DDB2: variants seen among roughly 807,000 people sequenced by gnomAD.
DDB2 encodes the protein DNA damage-binding protein 2.
In DDB2, 27 loss-of-function variants were observed where a neutral mutation model predicts 50.5. That is an observed-to-expected ratio of 0.53 (90% CI 0.39 to 0.74). The LOEUF (loss-of-function observed/expected upper bound fraction) is 0.74. Ranked by LOEUF, DDB2 falls within the 30% of genes least tolerant of loss-of-function variation. The pLI is 0.00. For missense variants in DDB2, 424 were observed against 545.6 expected (o/e 0.78, Z 2.22); for synonymous variants, 176 against 205.5 (o/e 0.86, Z 1.23).
intron 3 of DDB2, among the ~76,000 whole-genome samples, chr11:47,219,156 G>A (rs942184473): frequency 1.3e-5 from 2 of 152,148 alleles, no homozygotes; most frequent in African/African-American, 2.4e-5. Flanking sequence ...TGTTAGCCAC[G>A]ATGGTCTCTA....
At position 47,229,820 on chromosome 11, in the gene DDB2, T is replaced by TC. The variant is rs1457834720; in HGVS notation, c.457-2994_457-2993insC. On this transcript the variant is annotated intron_variant, in intron 3 of 9. Transcript: ENST00000256996. ...CTATGCTTAATTTGATGGCTCTTCT[T>TC]TTTTTTTTTTTTTTTCTTCTTCCTA... 2.0e-5 allele frequency: 7 copies of TC among 357,734 alleles called. No individual in the cohort carries two copies. In the East Asian group the frequency reaches 2.8e-4, roughly 14 times the overall value. The allele number at this position is 357,734 out of a possible 1,614,324, so 22.2% of individuals were successfully genotyped here.
intron 2 of DDB2, among the ~76,000 whole-genome samples, 171 bp from the exon 3 acceptor site, chr11:47,216,687 A>G (rs1953404840): frequency 6.6e-6 from 1 of 152,120 alleles, no homozygotes; most frequent in African/African-American, 2.4e-5. Flanking sequence ...TTTGCTTTCC[A>G]AGATTATTCG....
intron 1 of DDB2, chr11:47,215,535 A>G (rs1414808880): frequency 2.9e-5 from 14 of 477,088 alleles, no homozygotes; most frequent in Non-Finnish European, 5.0e-5. Flanking sequence ...CACAGTTAGG[A>G]CGGCTTCAGA....
intron 3 of DDB2, among the ~76,000 whole-genome samples, chr11:47,224,973 T>C (rs1953536173): frequency 6.6e-6 from 1 of 152,070 alleles, no homozygotes. Flanking sequence ...GGTCTCACTC[T>C]CTCTTCCAGG....
intron 1 of DDB2, chr11:47,216,036 G>GTTC (rs1001513565): frequency 4.8e-5 from 23 of 483,714 alleles, no homozygotes; most frequent in African/African-American, 2.9e-4. Flanking sequence ...ACTGGGAAGA[G>GTTC]TTCTGCATTG....
chr11:47,216,792 CAGAGATTG>C (rs1953406118), intron 2 of DDB2, 58 bp from the exon 3 acceptor site: 47 of 1,509,460 alleles, frequency 3.1e-5, no homozygotes, highest in Non-Finnish European at 4.1e-5. Flanking sequence ...ATGAAGGAGG[CAGAGATTG>C]GCAGTTTACC....
intron 3 of DDB2, among the ~76,000 whole-genome samples, chr11:47,230,845 G>C (rs1455271031): frequency 6.6e-6 from 1 of 152,170 alleles, no homozygotes; most frequent in East Asian, 1.9e-4. Flanking sequence ...GCCTGACTGG[G>C]CGCAGTGGCT....
intron 4 of DDB2, 22 bp downstream of exon 4, chr11:47,232,981 G>A: frequency 6.2e-7 from 1 of 1,613,854 alleles, no homozygotes; most frequent in Non-Finnish European, 8.5e-7. Flanking sequence ...AACTAGCAGG[G>A]GAAAGGGCTT....
chr11:47,221,090 G>A (rs1953478481), intron 3 of DDB2, among the ~76,000 whole-genome samples: 1 of 151,938 alleles, frequency 6.6e-6, no homozygotes, highest in African/African-American at 2.4e-5. Flanking sequence ...TTGAACCTGG[G>A]AGGTGGAGGT....
In DDB2 at chr11:47,215,055, C is replaced by A. The variant is rs1265492280; in HGVS notation, c.-82C>A. The A allele has an allele frequency of 3.1e-6, 5 of 1,606,458 alleles. No homozygotes were observed. The highest frequency in any genetic ancestry group is 1.1e-5 in the South Asian group (1 of 90,780). ...TGGCCCCGCAGTTTTGTAGTCCCCG[C>A]CTTGTTTCTCCCCAGAGGCCTCTCA... On this transcript the variant is annotated 5_prime_UTR_variant, in exon 1 of 10. Coordinates refer to ENST00000256996, the MANE Select transcript of DDB2 (RefSeq NM_000107.3).
At chr11:47,216,007 C>A (rs1198817633) in intron 1 of DDB2, 1 of 434,616 alleles carries the variant, frequency 2.3e-6, no homozygotes, top group Admixed American at 3.5e-5. Flanking sequence ...CCAGTCCCAT[C>A]TCGAGTTTTG....
intron 3 of DDB2, among the ~76,000 whole-genome samples, chr11:47,227,447 C>G (rs185827759): frequency 1.3e-5 from 2 of 151,776 alleles, no homozygotes; most frequent in Non-Finnish European, 2.9e-5. Context: ...TTGAAAATAT[C>G]TTCTCCCACT....
intron 3 of DDB2, among the ~76,000 whole-genome samples, chr11:47,228,717 G>A (rs1398280453): frequency 6.6e-6 from 1 of 150,856 alleles, no homozygotes; most frequent in Non-Finnish European, 1.5e-5. Flanking sequence ...TGACTGTTGG[G>A]AGGCCGAGGC....
chr11:47,222,189 G>A (rs1953495424), intron 3 of DDB2, among the ~76,000 whole-genome samples: 1 of 150,334 alleles, frequency 6.7e-6, no homozygotes. Flanking sequence ...ACTGTAAACT[G>A]CTGATCTATT....
rs2135484433 is a variant in DDB2, at chr11:47,216,059, G to C, written c.128-277G>C. On this transcript the variant is annotated intron_variant, in intron 1 of 9. Transcript: ENST00000256996. ...GAGTTCTGCATTGTACTTTATCCTTGTGTGTTTCTTTGGCTGGGGTCTCAG... is the reference window on the plus strand; with the variant it reads ...GAGTTCTGCATTGTACTTTATCCTTCTGTGTTTCTTTGGCTGGGGTCTCAG... 4 of 541,322 alleles carry C rather than the reference G, an allele frequency of 7.4e-6. No homozygotes were observed. In the East Asian group the frequency reaches 1.4e-4, roughly 19 times the overall value. The allele number at this position is 541,322 out of a possible 1,614,324, so 33.5% of individuals were successfully genotyped here. A position where few individuals can be genotyped will look rare whatever the true frequency, so the allele number is the denominator to read the frequency against.
chr11:47,221,912 A>G lies in DDB2; in HGVS notation c.456+4863A>G, dbSNP rs924927260. Among the ~76,000 whole-genome samples, 9 of 152,364 alleles carry G rather than the reference A, an allele frequency of 5.9e-5. 2 individuals carry two copies. Among genetic ancestry groups the G allele is most frequent in the Admixed American group, 6.5e-5 (1 of 15,298 alleles). On this transcript the variant is annotated intron_variant, in intron 3 of 9. Coordinates refer to ENST00000256996, the MANE Select transcript of DDB2 (RefSeq NM_000107.3). Reference sequence around the variant, plus strand: ...TTTAAAATTATATCTTTATTGAGGTATAGTGGACATAAACTGCAGCTATTT... The same window carrying G: ...TTTAAAATTATATCTTTATTGAGGTGTAGTGGACATAAACTGCAGCTATTT...
chr11:47,238,804 C>T lies in DDB2; in HGVS notation c.1239C>T (p.Tyr413=). 2 of 1,613,670 alleles carry T rather than the reference C, an allele frequency of 1.2e-6. No homozygotes were observed. The highest frequency in any genetic ancestry group is 1.7e-6 in the Non-Finnish European group (2 of 1,179,896). ...MGDTLASAMG[Y]HILIWSQEEA... ...GACTGGTCTCACTCTTCCTAGGTTA[C>T]CACATTCTCATCTGGAGCCAGGAGG... The change falls in exon 10 of 10, where the codon TAC becomes TAT. Residue 413 remains tyrosine, a synonymous_variant. Transcript: ENST00000256996.
intron 3 of DDB2, among the ~76,000 whole-genome samples, chr11:47,223,590 C>T (rs1159744516): frequency 6.6e-6 from 1 of 152,016 alleles, no homozygotes; most frequent in African/African-American, 2.4e-5. Flanking sequence ...ACCACCCTGG[C>T]TAACACGGTG....
rs1340304406 is a variant in DDB2 at position 47,233,129 on chromosome 11, C to T, written c.602+170C>T. On this transcript the variant is annotated intron_variant, in intron 4 of 9. Coordinates refer to ENST00000256996, the MANE Select transcript of DDB2 (RefSeq NM_000107.3). ...TCAAACTGCTCCTTGGCTGCCCTCACTTTGGTCCAGGTGGGTTACTGCTTT... is the reference window on the plus strand; with the variant it reads ...TCAAACTGCTCCTTGGCTGCCCTCATTTTGGTCCAGGTGGGTTACTGCTTT... 5 of 806,738 alleles carry T rather than the reference C, an allele frequency of 6.2e-6. No individual in the cohort carries two copies. The Admixed American group carries it at 9.7e-5, about 16-fold the overall frequency. 50.0% of individuals were successfully genotyped at this position (806,738 alleles called of 1,614,324 possible).
Sources: allele counts gnomAD v4.1 joint callset (sites outside exome capture counted in the v4.1 genomes callset), GRCh38; gene constraint gnomAD v4.1.1; transcripts MANE v1.5; gene names NCBI Gene and HGNC (gene_info 2026-07-23, HGNC 2026-07-21).